CROCC: variants seen among roughly 807,000 people sequenced by gnomAD.
The protein encoded by CROCC is ciliary rootlet coiled-coil, rootletin.
A neutral mutation model predicts 245.2 loss-of-function variants in CROCC; 180 were observed. The observed-to-expected ratio is 0.73, with a 90% CI of 0.65 to 0.83. The LOEUF (loss-of-function observed/expected upper bound fraction) is 0.83. Ranked by LOEUF, CROCC falls within the 40% of genes least tolerant of loss-of-function variation. CROCC has a pLI of 0.00. For missense variants in CROCC, 2,688 were observed against 2,779.4 expected, an observed-to-expected ratio of 0.97 and a Z score of 0.74; for synonymous variants, 1,205 against 1,241.6, an observed-to-expected ratio of 0.97 and a Z score of 0.62.
In CROCC at chr1:16,966,290, G is replaced by T; in HGVS notation, c.4697-118G>T. 7.0e-7 allele frequency: 1 copy of T among 1,427,710 alleles called. No individual in the cohort carries two copies. Among genetic ancestry groups the T allele is most frequent in the Non-Finnish European group, 9.3e-7 (1 of 1,080,892 alleles). The allele number at this position is 1,427,710 out of a possible 1,614,324, so 88.4% of individuals were successfully genotyped here. A position where few individuals can be genotyped will look rare whatever the true frequency, so the allele number is the denominator to read the frequency against. On this transcript the variant is annotated intron_variant, in intron 29 of 36. Transcript: ENST00000375541. This position sits in a 1 kb window ranked among gnomAD's most constrained non-coding sequence, Gnocchi z 4.8. Reference sequence around the variant, plus strand: ...ACCTGTGTGCAGGCCCGCATACTACGAAGGGTGCAGACAGTCTGGCCCTGC... The same window carrying T: ...ACCTGTGTGCAGGCCCGCATACTACTAAGGGTGCAGACAGTCTGGCCCTGC...
rs1296404513 is a variant in CROCC, at chr1:16,945,613, C to T, written c.2136+7C>T. The T allele has an allele frequency of 6.2e-7, 1 of 1,611,348 alleles. No individual in the cohort carries two copies. The highest frequency in any genetic ancestry group is 2.2e-5 in the East Asian group (1 of 44,874). On this transcript the variant is annotated splice_region_variant and intron_variant, in intron 15 of 36. Coordinates refer to ENST00000375541, the MANE Select transcript of CROCC (RefSeq NM_014675.5). ...GGCCGAGGCGCTGACCAAGGTGGGT[C>T]CCTGTCTGCTGCACAACCACAAACC... is the stretch of plus-strand genomic sequence containing the variant.
intron 2 of CROCC, among the ~76,000 whole-genome samples, chr1:16,923,703 CAG>C (rs1238299148): frequency 9.8e-6 from 1 of 101,752 alleles, no homozygotes; most frequent in African/African-American, 4.0e-5. Context: ...TTTTTTGAGA[CAG>C]AGTCTCGCTG....
At chr1:16,956,895 T>C (rs1275745450) in intron 25 of CROCC, among the ~76,000 whole-genome samples, 1 of 152,182 alleles carries the variant, frequency 6.6e-6, no homozygotes, top group Non-Finnish European at 1.5e-5. Context: ...GCCTGGACAC[T>C]GTGGGTTCAG....
intron 14 of CROCC, among the ~76,000 whole-genome samples, chr1:16,944,680 A>T (rs972522939): frequency 3.3e-5 from 5 of 152,232 alleles, no homozygotes; most frequent in Non-Finnish European, 7.3e-5. Context: ...AGAAGCGGTT[A>T]TCTCCATTTT....
At chr1:16,928,464 A>G (rs6657762) in intron 3 of CROCC, among the ~76,000 whole-genome samples, 6,609 of 149,800 alleles carry the variant, frequency 0.044, no homozygotes, top group African/African-American at 0.084. Context: ...CAGCAGCAAC[A>G]GAGGCTTTCC....
chr1:16,934,853 T>G (rs1478648520), intron 8 of CROCC, among the ~76,000 whole-genome samples: 22 of 151,230 alleles, frequency 1.5e-4, no homozygotes, highest in Non-Finnish European at 1.5e-5. Context: ...TTTTTTTTTT[T>G]GGCCACCAAG....
At chr1:16,968,520 A>G in intron 31 of CROCC, 102 bp downstream of exon 31, 2 of 1,161,998 alleles carry the variant, frequency 1.7e-6, no homozygotes, top group Non-Finnish European at 2.3e-6. Context: ...GGCAAGTATT[A>G]CCCACATCCC....
chr1:16,970,553 G>A (rs769726682), intron 34 of CROCC, 83 bp from the exon 35 acceptor site: 16 of 1,475,260 alleles, frequency 1.1e-5, no homozygotes, highest in Non-Finnish European at 1.4e-5. Flanking sequence ...GTGGGGTTAG[G>A]TTATTCCATC....
At chr1:16,961,464 G>T (rs1297138982) in intron 27 of CROCC, among the ~76,000 whole-genome samples, 2 of 152,072 alleles carry the variant, frequency 1.3e-5, no homozygotes, top group African/African-American at 2.4e-5. Context: ...TGGAGACGGG[G>T]TCTCACTATG....
chr1:16,923,659 T>C (rs1287406852), intron 2 of CROCC, among the ~76,000 whole-genome samples: 1 of 150,844 alleles, frequency 6.6e-6, no homozygotes, highest in Admixed American at 6.6e-5. Context: ...GAGGATCTGG[T>C]TACTACTATT....
At chr1:16,922,636 C>A in intron 1 of CROCC, 27 bp from the exon 2 acceptor site, 1 of 1,584,544 alleles carries the variant, frequency 6.3e-7, no homozygotes, top group Non-Finnish European at 8.6e-7. Flanking sequence ...CCCATGTCCC[C>A]TGAAGACCCT....
At position 16,944,300 on chromosome 1, in the gene CROCC, A is replaced by T. The variant is rs373958361; in HGVS notation, c.1991+18A>T. On this transcript the variant is annotated intron_variant, in intron 14 of 36. Coordinates refer to ENST00000375541, the MANE Select transcript of CROCC (RefSeq NM_014675.5). The stretch of plus-strand genomic sequence containing the variant: ...GAGCGCAGGTGAGCAGCATCTCGCC[A>T]CCCTGCCAGGACCCTTCAGATGTGC... 2,235 of 1,519,350 alleles carry T rather than the reference A, an allele frequency of 1.5e-3. 11 individuals carry two copies. In the African/African-American group the frequency reaches 0.023, roughly 16 times the overall value. 94.1% of individuals were successfully genotyped at this position (1,519,350 alleles called of 1,614,324 possible). A position where few individuals can be genotyped will look rare whatever the true frequency, so the allele number is the denominator to read the frequency against.
intron 31 of CROCC, 87 bp downstream of exon 31, chr1:16,968,505 T>G: frequency 7.6e-7 from 1 of 1,315,026 alleles, no homozygotes; most frequent in Non-Finnish European, 1.0e-6. Flanking sequence ...CCAACAACCC[T>G]GTGAGGCAAG....
intron 17 of CROCC, among the ~76,000 whole-genome samples, chr1:16,947,991 A>G (rs1319320959): frequency 6.6e-6 from 1 of 152,254 alleles, no homozygotes; most frequent in Non-Finnish European, 1.5e-5. Context: ...GGCGTGCACC[A>G]CCACGCCCGG....
Position 16,936,737 on chromosome 1 carries a change from G to C in CROCC, c.1057G>C (p.Ala353Pro). The C allele has an allele frequency of 6.2e-7, 1 of 1,609,458 alleles. No homozygotes were observed. Among genetic ancestry groups the C allele is most frequent in the Non-Finnish European group, 8.5e-7 (1 of 1,178,868 alleles). ...GGGCCTACGGCTGGCAGAGAGCCGG[G>C]CCGAGGCAGCCCTGGAGAAACAGGC... ...STGLRLAESRAEAALEKQALL... is the reference protein window; with the variant it reads ...STGLRLAESRPEAALEKQALL... Residue 353 changes from alanine to proline, a missense_variant, in exon 9 of 37, where the codon GCC (alanine) becomes CCC (proline). By Grantham distance (27) the Ala-to-Pro change is conservative (BLOSUM62 -1). Around this residue, in one of 9 missense-constraint regions of CROCC, gnomAD observed 972 missense variants for 895.3 expected, o/e 1.09. Transcript: ENST00000375541.
chr1:16,939,221 C>T (rs576719506), intron 12 of CROCC, 79 bp downstream of exon 12: 4 of 561,568 alleles, frequency 7.1e-6, no homozygotes, highest in African/African-American at 4.1e-5. Context: ...GGGGCGGGGG[C>T]GGGGGCAGGT....
chr1:16,961,123 C>T lies in CROCC; in HGVS notation c.4398C>T (p.Pro1466=), dbSNP rs537096044. ...PVPGSPARDA[P]AEGSGEGLNS... ...CCGGTTCCCCTGCCCGGGACGCACC[C>T]GCAGAAGGTAAGGGCAGTGCCGCGC... is the stretch of plus-strand genomic sequence containing the variant. The change falls in exon 27 of 37, where the codon CCC becomes CCT. Residue 1466 remains proline (P), a synonymous_variant. Transcript: ENST00000375541. 7.4e-7 allele frequency: 1 copy of T among 1,349,676 alleles called. No individual in the cohort carries two copies. Among genetic ancestry groups the T allele is most frequent in the East Asian group, 3.1e-5 (1 of 32,240 alleles). 83.6% of individuals were successfully genotyped at this position (1,349,676 alleles called of 1,614,324 possible).
At chr1:16,948,700 A>G in intron 18 of CROCC, 99 bp from the exon 19 acceptor site, 1 of 1,557,772 alleles carries the variant, frequency 6.4e-7, no homozygotes, top group Middle Eastern at 2.4e-4. Context: ...AGGCAGGTAG[A>G]TTGGCACTTG....
intron 8 of CROCC, 29 bp downstream of exon 8, chr1:16,931,426 G>C: frequency 1.3e-6 from 2 of 1,573,686 alleles, no homozygotes; most frequent in South Asian, 2.2e-5. Context: ...CGGGGCAGCA[G>C]CTGAGAGCCA....
Sources: allele counts gnomAD v4.1 joint callset (sites outside exome capture counted in the v4.1 genomes callset), GRCh38; gene constraint gnomAD v4.1.1; regional missense constraint gnomAD v4.1.1; non-coding constraint Gnocchi (gnomAD v3.1); transcripts MANE v1.5; gene names NCBI Gene and HGNC (gene_info 2026-07-23, HGNC 2026-07-21).